The following ARPC5L variants were observed in gnomAD, a reference collection of about 807,000 sequenced individuals.
ARPC5L encodes actin related protein 2/3 complex subunit 5 like, also known as actin-related protein 2/3 complex subunit 5-like protein.
ARPC5L carries 4 observed loss-of-function variants against 16.9 expected under a neutral mutation model. The observed-to-expected ratio is 0.24, with a 90% CI of 0.12 to 0.54. ARPC5L has a LOEUF of 0.54. ARPC5L is among the 20% of genes least tolerant of loss of function. ARPC5L has a pLI of 0.95. For missense variants in ARPC5L, 151 were observed against 201.9 expected (o/e 0.75, Z 1.53); for synonymous variants, 78 against 82.6 (o/e 0.94, Z 0.30).
chr9:124,868,735 C>T lies in ARPC5L; in HGVS notation c.-556C>T, dbSNP rs1051393779. On this transcript the variant is annotated 5_prime_UTR_variant, in exon 3 of 6. Coordinates refer to ENST00000353214, the MANE Select transcript of ARPC5L (RefSeq NM_030978.3). ...CGAGACACAGGCGCCTCCCGCGCCA[C>T]TCCCCGGGCACAGGAACTCCTACTC... The T allele has an allele frequency of 6.6e-6, 1 of 152,484 alleles. No homozygotes were observed. Among genetic ancestry groups the T allele is most frequent in the Non-Finnish European group, 1.5e-5 (1 of 68,196 alleles). The allele number at this position is 152,484 out of a possible 1,614,324, so 9.4% of individuals were successfully genotyped here. A position where few individuals can be genotyped will look rare whatever the true frequency, so the allele number is the denominator to read the frequency against.
At chr9:124,875,264 C>T (rs898679978) in intron 5 of ARPC5L, 113 bp downstream of exon 5, 3 of 1,229,968 alleles carry the variant, frequency 2.4e-6, no homozygotes, top group Non-Finnish European at 3.4e-6. Context: ...CGTGTGGGGT[C>T]AGAGGACGAG....
At chr9:124,873,790 C>A in intron 4 of ARPC5L, 26 bp downstream of exon 4, 1 of 1,613,700 alleles carries the variant, frequency 6.2e-7, no homozygotes, top group South Asian at 1.1e-5. Flanking sequence ...TGCGGCTCTG[C>A]TGGGTGCTGT....
intron 2 of ARPC5L, among the ~76,000 whole-genome samples, chr9:124,868,165 TG>T (rs1216366040): frequency 2.0e-5 from 3 of 152,140 alleles, no homozygotes; most frequent in African/African-American, 7.2e-5. Flanking sequence ...CATCATAGTC[TG>T]GCAATATTTT....
intron 2 of ARPC5L, among the ~76,000 whole-genome samples, chr9:124,864,470 T>A (rs1000933793): frequency 1.3e-5 from 2 of 152,114 alleles, no homozygotes; most frequent in African/African-American, 4.8e-5. Flanking sequence ...CAAGCGATTC[T>A]CCTGCCTCAG....
chr9:124,877,301 G>GA lies in ARPC5L; in HGVS notation c.*368dup, dbSNP rs147685245. On this transcript the variant is annotated 3_prime_UTR_variant, in exon 6 of 6. Coordinates refer to ENST00000353214, the MANE Select transcript of ARPC5L (RefSeq NM_030978.3). Reference sequence around the variant, plus strand: ...CGGGAGAGCTTGTGTTTTTGAAGTGGAAAAAAACCCAAGAGTTTGTACAGA... The same window carrying GA: ...CGGGAGAGCTTGTGTTTTTGAAGTGGAAAAAAAACCCAAGAGTTTGTACAGA... 6.5e-3 allele frequency: 1,471 copies of GA among 225,178 alleles called. 41 individuals carry two copies. In the East Asian group the frequency reaches 0.069, roughly 11 times the overall value. 13.9% of individuals were successfully genotyped at this position (225,178 alleles called of 1,614,324 possible).
intron 2 of ARPC5L, among the ~76,000 whole-genome samples, chr9:124,864,605 C>A (rs1216658616): frequency 6.6e-6 from 1 of 152,190 alleles, no homozygotes; most frequent in African/African-American, 2.4e-5. Context: ...GTATTGAACT[C>A]TTAACCTTGT....
At chr9:124,865,169 G>A (rs1039249158) in intron 2 of ARPC5L, among the ~76,000 whole-genome samples, 3 of 151,888 alleles carry the variant, frequency 2.0e-5, no homozygotes, top group East Asian at 1.9e-4. Flanking sequence ...TAGGCCGGGC[G>A]TGGTGGCTCA....
rs1003345700 is a variant in ARPC5L, at chr9:124,869,221, C to T, written c.-70C>T. Reference sequence around the variant, plus strand: ...CCGCTTCCCGCCCCCGAGCAGGAGCCGGTGCGAGCGGAGCAGAGCCGAGGT... The same window carrying T: ...CCGCTTCCCGCCCCCGAGCAGGAGCTGGTGCGAGCGGAGCAGAGCCGAGGT... On this transcript the variant is annotated 5_prime_UTR_variant, in exon 3 of 6. Coordinates refer to ENST00000353214, the MANE Select transcript of ARPC5L (RefSeq NM_030978.3). 3.8e-5 allele frequency: 52 copies of T among 1,370,012 alleles called. No homozygotes were observed. In the African/African-American group the frequency reaches 5.1e-4, roughly 13 times the overall value. 84.9% of individuals were successfully genotyped at this position (1,370,012 alleles called of 1,614,324 possible).
rs1336839873 is a variant in ARPC5L at position 124,873,600 on chromosome 9, T to G, written c.150-92T>G. The G allele has an allele frequency of 3.3e-5, 47 of 1,436,276 alleles. No homozygotes were observed. The East Asian group carries it at 1.0e-3, about 31-fold the overall frequency. The allele number at this position is 1,436,276 out of a possible 1,614,324, so 89.0% of individuals were successfully genotyped here. ...TGGGTGGTATGGATGAGATCCCATCTGACTCTGTTCCTGAGCTGTTTCTGA... is the reference window on the plus strand; with the variant it reads ...TGGGTGGTATGGATGAGATCCCATCGGACTCTGTTCCTGAGCTGTTTCTGA... On this transcript the variant is annotated intron_variant, in intron 3 of 5. Transcript: ENST00000353214.
At chr9:124,874,446 C>T (rs540703205) in intron 4 of ARPC5L, among the ~76,000 whole-genome samples, 137 of 152,282 alleles carry the variant, frequency 9.0e-4, no homozygotes, top group African/African-American at 3.1e-3. Flanking sequence ...TGCCTGTAAT[C>T]CCAGCACTTT....
intron 1 of ARPC5L, among the ~76,000 whole-genome samples, chr9:124,862,682 G>T (rs1829219516): frequency 6.6e-6 from 1 of 151,158 alleles, no homozygotes; most frequent in Non-Finnish European, 1.5e-5. Flanking sequence ...GCACCACCAC[G>T]CCTGGCTAAT....
chr9:124,862,360 A>C lies in ARPC5L; in HGVS notation c.-1022A>C, dbSNP rs1217657786. ...GGGTGCTGACGGGAGGAGGGGCCAG[A>C]GTTTTCAAAGACGATTAACCGAGGC... On this transcript the variant is annotated 5_prime_UTR_variant, in exon 1 of 6. Coordinates refer to ENST00000353214, the MANE Select transcript of ARPC5L (RefSeq NM_030978.3). 5.9e-6 allele frequency: 1 copy of C among 168,418 alleles called. No individual in the cohort carries two copies. Among genetic ancestry groups the C allele is most frequent in the Non-Finnish European group, 1.3e-5 (1 of 78,832 alleles). The allele number at this position is 168,418 out of a possible 1,614,324, so 10.4% of individuals were successfully genotyped here. A position where few individuals can be genotyped will look rare whatever the true frequency, so the allele number is the denominator to read the frequency against.
rs1255524497 is a variant in ARPC5L at position 124,862,407 on chromosome 9, A to G, written c.-984+9A>G. 1 of 156,792 alleles carries G rather than the reference A, an allele frequency of 6.4e-6. No individual in the cohort carries two copies. The highest frequency in any genetic ancestry group is 2.4e-5 in the African/African-American group (1 of 41,552). 9.7% of individuals were successfully genotyped at this position (156,792 alleles called of 1,614,324 possible). A position where few individuals can be genotyped will look rare whatever the true frequency, so the allele number is the denominator to read the frequency against. ...AGGCTCACGTCGCGGAGGAATTTAA[A>G]GCGCGAGATGGACGGGAGGGGCGGG... On this transcript the variant is annotated intron_variant, in intron 1 of 5. Coordinates refer to ENST00000353214, the MANE Select transcript of ARPC5L (RefSeq NM_030978.3).
intron 5 of ARPC5L, among the ~76,000 whole-genome samples, chr9:124,875,464 A>G (rs1000693726): frequency 6.6e-6 from 1 of 152,176 alleles, no homozygotes; most frequent in Non-Finnish European, 1.5e-5. Flanking sequence ...GAGTCTAGGT[A>G]GGAAGGGGGC....
At chr9:124,870,541 C>T (rs113041001) in intron 3 of ARPC5L, among the ~76,000 whole-genome samples, 2,521 of 152,144 alleles carry the variant, frequency 0.017, 73 homozygotes, top group African/African-American at 0.058. Context: ...CCTGAGTGTG[C>T]CTTTAAACCG....
rs143944522 is a variant in ARPC5L at position 124,876,803 on chromosome 9, CCT to C, written c.400-74_400-73del. Reference sequence around the variant, plus strand: ...GGGATCTAGGTCAGGGAATGTCCCCCCTGTCTCTGGCAAGCCAGGCTCCCCTT... The same window carrying C: ...GGGATCTAGGTCAGGGAATGTCCCCCGTCTCTGGCAAGCCAGGCTCCCCTT... On this transcript the variant is annotated intron_variant, in intron 5 of 5. Transcript: ENST00000353214. The C allele has an allele frequency of 8.1e-3, 9,900 of 1,226,288 alleles. 273 individuals carry two copies. The African/African-American group carries it at 0.084, about 10-fold the overall frequency. The allele number at this position is 1,226,288 out of a possible 1,614,324, so 76.0% of individuals were successfully genotyped here. A position where few individuals can be genotyped will look rare whatever the true frequency, so the allele number is the denominator to read the frequency against.
intron 4 of ARPC5L, among the ~76,000 whole-genome samples, chr9:124,874,292 T>A (rs1387334108): frequency 6.6e-6 from 1 of 152,230 alleles, no homozygotes; most frequent in Non-Finnish European, 1.5e-5. Flanking sequence ...GGCCCCACCC[T>A]TCTGGGTGTG....
intron 2 of ARPC5L, among the ~76,000 whole-genome samples, chr9:124,867,094 C>T (rs566951445): frequency 2.6e-5 from 4 of 152,058 alleles, no homozygotes; most frequent in African/African-American, 4.8e-5. Context: ...TAGTTGCCTC[C>T]TTCATTTCCT....
At chr9:124,876,376 G>A (rs950400111) in intron 5 of ARPC5L, among the ~76,000 whole-genome samples, 6 of 151,426 alleles carry the variant, frequency 4.0e-5, no homozygotes, top group Non-Finnish European at 7.4e-5. Flanking sequence ...AATCCCAGCT[G>A]CTCGGGAGGC....
Sources: allele counts gnomAD v4.1 joint callset (sites outside exome capture counted in the v4.1 genomes callset), GRCh38; gene constraint gnomAD v4.1.1; transcripts MANE v1.5; gene names NCBI Gene and HGNC (gene_info 2026-07-23, HGNC 2026-07-21).